The following FRK variants were observed in gnomAD, a reference collection of about 807,000 sequenced individuals.
FRK encodes tyrosine-protein kinase FRK.
In FRK, 51 loss-of-function variants were observed where a neutral mutation model predicts 56.4. That is an observed-to-expected ratio of 0.90 (90% CI 0.72 to 1.14). FRK has a LOEUF of 1.14. Among genes scored for constraint, FRK ranks in the 50% most tolerant of loss-of-function variants. FRK has a pLI of 0.00. For missense variants in FRK, 570 were observed against 601.4 expected (o/e 0.95, Z 0.55); for synonymous variants, 245 against 217.9 (o/e 1.12, Z -1.10).
At position 115,942,622 on chromosome 6, in the gene FRK, A is replaced by G; in HGVS notation, c.1310T>C (p.Met437Thr). The G allele has an allele frequency of 6.2e-7, 1 of 1,612,594 alleles. No individual in the cohort carries two copies. The highest frequency in any genetic ancestry group is 8.5e-7 in the Non-Finnish European group (1 of 1,178,808). Reference protein sequence around the residue: ...ITYGKMPYSGMTGAQVIQMLA... With the variant: ...ITYGKMPYSGTTGAQVIQMLA... ...CATCTGGATTACCTGGGCACCTGTC[A>G]TACCTTGAAAATACAGAACGAAACC... Residue 437 changes from methionine (M) to threonine (T), a missense_variant, in exon 8 of 8, where the codon ATG becomes ACG. Physicochemically the swap from Met to Thr is moderately conservative, Grantham distance 81. Transcript: ENST00000606080.
At chr6:116,079,468 C>T in the FRK span, among the ~76,000 whole-genome samples, 2 of 151,728 alleles carry the variant, frequency 1.3e-5, no homozygotes, top group Non-Finnish European at 2.9e-5. Flanking sequence ...TGAAAACACA[C>T]ATTTCTTCTT....
chr6:116,073,085 A>T, the FRK span, among the ~76,000 whole-genome samples: 7 of 152,176 alleles, frequency 4.6e-5, no homozygotes, highest in Admixed American at 4.6e-4. Context: ...CTGTACCCTG[A>T]TTTTAATTAT....
chr6:116,057,036 T>C (rs1474094535), intron 1 of FRK, among the ~76,000 whole-genome samples: 2 of 152,240 alleles, frequency 1.3e-5, no homozygotes, highest in African/African-American at 4.8e-5. Context: ...TAATTTTCCC[T>C]GGCACCAATA....
Position 116,038,776 on chromosome 6 carries a change from C to T in FRK, c.344+21192G>A. 3 of 493,844 alleles carry T rather than the reference C, an allele frequency of 6.1e-6. 1 individual carries two copies. The highest frequency in any genetic ancestry group is 4.8e-5 in the South Asian group (3 of 62,474). The allele number at this position is 493,844 out of a possible 1,614,324, so 30.6% of individuals were successfully genotyped here. On this transcript the variant is annotated intron_variant, in intron 1 of 7. Transcript: ENST00000606080. ...GCGCCATGGCGACCTCCAGGAAGTT[C>T]GTTGGGGGGAACTGGAAGATGAACC...
the FRK span, among the ~76,000 whole-genome samples, chr6:116,100,620 C>T: frequency 6.6e-6 from 1 of 152,188 alleles, no homozygotes; most frequent in Non-Finnish European, 1.5e-5. Flanking sequence ...CTCCTGGACC[C>T]CTACTGCCTT....
chr6:116,021,308 C>G (rs1166414440), intron 1 of FRK, among the ~76,000 whole-genome samples: 1 of 151,960 alleles, frequency 6.6e-6, no homozygotes, highest in African/African-American at 2.4e-5. Flanking sequence ...CGCCATACAT[C>G]ATTTTGATGT....
chr6:116,062,209 T>C (rs73772221), upstream of FRK, among the ~76,000 whole-genome samples: 8 of 152,098 alleles, frequency 5.3e-5, no homozygotes, highest in African/African-American at 1.9e-4. Context: ...GACAGAAGTA[T>C]AAAAGCCAAA....
At chr6:116,045,060 C>T (rs1283574508) in intron 1 of FRK, among the ~76,000 whole-genome samples, 1 of 152,112 alleles carries the variant, frequency 6.6e-6, no homozygotes, top group African/African-American at 2.4e-5. Context: ...GAACTACAAA[C>T]CACTGCTCAA....
the FRK span, among the ~76,000 whole-genome samples, chr6:116,093,697 G>A: frequency 6.6e-6 from 1 of 152,282 alleles, no homozygotes; most frequent in South Asian, 2.1e-4. Flanking sequence ...GAAGGACTAA[G>A]GAGAATTAGG....
At chr6:116,086,009 C>CTT in the FRK span, among the ~76,000 whole-genome samples, 1 of 144,988 alleles carries the variant, frequency 6.9e-6, no homozygotes. Flanking sequence ...GTCCAAATGA[C>CTT]TTTTTTTTTT....
rs532972772 is a variant in FRK, at chr6:116,000,943, G to C, written c.466+2934C>G. Among the ~76,000 whole-genome samples the C allele has an allele frequency of 3.9e-5, 6 of 152,254 alleles. No homozygotes were observed. The South Asian group carries it at 1.2e-3, about 32-fold the overall frequency. On this transcript the variant is annotated intron_variant, in intron 2 of 7. Transcript: ENST00000606080. ...ACAAGATACTGCAAGACAGAAATAA[G>C]AAATATGGAGCTTGGGCCGGGCGTG...
chr6:116,002,882 T>C (rs1013299368), intron 2 of FRK, among the ~76,000 whole-genome samples: 5 of 152,168 alleles, frequency 3.3e-5, no homozygotes, highest in African/African-American at 9.7e-5. Context: ...AGAAGGATAA[T>C]GTGTACCAAA....
Position 116,060,410 on chromosome 6 carries a change from A to G in FRK, c.-99T>C, listed in dbSNP as rs1777585722. On this transcript the variant is annotated 5_prime_UTR_variant, in exon 1 of 8. Coordinates refer to ENST00000606080, the MANE Select transcript of FRK (RefSeq NM_002031.3). The stretch of plus-strand genomic sequence containing the variant: ...TTCACCAGGCAACTTTGAAGTCAGC[A>G]CCAACTCACCATACTTCGGAGAGTA... 5.7e-6 allele frequency: 5 copies of G among 871,028 alleles called. No individual in the cohort carries two copies. The South Asian group carries it at 6.6e-5, about 12-fold the overall frequency. 54.0% of individuals were successfully genotyped at this position (871,028 alleles called of 1,614,324 possible).
chr6:116,020,315 G>C (rs185907942), intron 1 of FRK, among the ~76,000 whole-genome samples: 1 of 146,466 alleles, frequency 6.8e-6, no homozygotes, highest in Non-Finnish European at 1.5e-5. Flanking sequence ...GTTTTTTTTT[G>C]GAGTTTTGCT....
intron 1 of FRK, among the ~76,000 whole-genome samples, chr6:116,009,356 C>G (rs1015757330): frequency 6.6e-6 from 1 of 152,192 alleles, no homozygotes; most frequent in African/African-American, 2.4e-5. Flanking sequence ...ATCATAAACT[C>G]TGGGGGTGGG....
At chr6:115,958,818 GAA>G (rs71012317) in intron 4 of FRK, among the ~76,000 whole-genome samples, 1,593 of 16,190 alleles carry the variant, frequency 0.098, 86 homozygotes, top group South Asian at 0.17. Context: ...AAGAAAGAAA[GAA>G]AAAGAAAGAA....
intron 3 of FRK, 30 bp from the exon 4 acceptor site, chr6:115,967,749 T>TAAAAA: frequency 1.1e-5 from 13 of 1,210,676 alleles, no homozygotes; most frequent in South Asian, 3.9e-5. Flanking sequence ...GAGCAATTGT[T>TAAAAA]AAAAAAAAAA....
intron 2 of FRK, among the ~76,000 whole-genome samples, chr6:115,992,330 G>A (rs897010598): frequency 6.6e-6 from 1 of 151,320 alleles, no homozygotes; most frequent in African/African-American, 2.4e-5. Flanking sequence ...CTCTTTTCTG[G>A]GTCTTAAATC....
At chr6:115,958,480 T>C (rs1410892415) in intron 4 of FRK, among the ~76,000 whole-genome samples, 2 of 151,194 alleles carry the variant, frequency 1.3e-5, no homozygotes, top group African/African-American at 4.9e-5. Flanking sequence ...ATATAAAAAT[T>C]AGCCAGGCAT....
Sources: allele counts gnomAD v4.1 joint callset (sites outside exome capture counted in the v4.1 genomes callset), GRCh38; gene constraint gnomAD v4.1.1; transcripts MANE v1.5; gene names NCBI Gene and HGNC (gene_info 2026-07-23, HGNC 2026-07-21).